Variants in REPS2 observed in about 807,000 individuals in gnomAD.
REPS2 encodes RALBP1 associated Eps domain containing 2.
Under a neutral mutation model 53.6 loss-of-function variants are expected in REPS2, and 23 were observed. The ratio of observed to expected loss-of-function variants is 0.43; its 90% CI spans 0.31 to 0.61. The LOEUF (loss-of-function observed/expected upper bound fraction) is 0.61. Ranked by LOEUF, REPS2 falls within the 20% of genes least tolerant of loss-of-function variation. REPS2 has a pLI of 0.11. For missense variants in REPS2, 446 were observed against 534.9 expected (o/e 0.83, Z 1.64); for synonymous variants, 238 against 218.6 (o/e 1.09, Z -0.78).
chrX:17,015,086 C>G (rs892268970), intron 2 of REPS2, among the ~76,000 whole-genome samples: 1 of 112,872 alleles, frequency 8.9e-6, no homozygotes, highest in Admixed American at 9.3e-5. Context: ...ACCAATAACA[C>G]CTGCCTTATA....
chrX:16,955,188 G>A (rs1046183056), intron 1 of REPS2, among the ~76,000 whole-genome samples: 10 of 110,877 alleles, frequency 9.0e-5, no homozygotes, highest in African/African-American at 3.3e-4. Context: ...GTATAGGCAA[G>A]TTTCTCATGT....
At chrX:16,973,760 T>G in intron 1 of REPS2, among the ~76,000 whole-genome samples, 1 of 111,179 alleles carries the variant, frequency 9.0e-6, no homozygotes, top group African/African-American at 3.3e-5. Flanking sequence ...TATGATTTTC[T>G]TTGTCTATTC....
In REPS2 at chrX:17,093,233, A is replaced by G. The variant is rs182937074; in HGVS notation, c.1517-10485A>G. Among the ~76,000 whole-genome samples, 416 of 85,002 alleles carry G rather than the reference A, an allele frequency of 4.9e-3. 2 individuals are homozygous for G. Among genetic ancestry groups the G allele is most frequent in the Non-Finnish European group, 7.2e-3 (315 of 43,542 alleles). 73.8% of individuals were successfully genotyped at this position (85,002 alleles called of 115,157 possible). Reference sequence around the variant, plus strand: ...TTTTGGAAAGAGTGGCAACTGAGGGAAACCTGAGGCTTTGGGTGCACTTCT... The same window carrying G: ...TTTTGGAAAGAGTGGCAACTGAGGGGAACCTGAGGCTTTGGGTGCACTTCT... On this transcript the variant is annotated intron_variant, in intron 13 of 17. Coordinates refer to ENST00000357277, the MANE Select transcript of REPS2 (RefSeq NM_004726.3).
chrX:16,960,672 A>G (rs1282657004), intron 1 of REPS2, among the ~76,000 whole-genome samples: 2 of 111,914 alleles, frequency 1.8e-5, no homozygotes, highest in Non-Finnish European at 3.8e-5. Context: ...GATAAAAGGC[A>G]TCTAAATTGG....
chrX:17,015,080 A>G (rs1052184173), intron 2 of REPS2, among the ~76,000 whole-genome samples: 12 of 112,977 alleles, frequency 1.1e-4, no homozygotes, highest in African/African-American at 3.2e-4. Context: ...AGGTATACCA[A>G]TAACACCTGC....
Position 17,062,539 on chromosome X carries a change from G to T in REPS2, c.1209+7G>T, listed in dbSNP as rs757482095. 8.7e-6 allele frequency: 10 copies of T among 1,145,830 alleles called. No homozygotes were observed. In the Admixed American group the frequency reaches 2.0e-4, roughly 23 times the overall value. The allele number at this position is 1,145,830 out of a possible 1,213,427, so 94.4% of individuals were successfully genotyped here. A position where few individuals can be genotyped will look rare whatever the true frequency, so the allele number is the denominator to read the frequency against. Reference sequence around the variant, plus strand: ...TGACTTGAATCGGATGGAGGTAAAAGATCTTCATATGCTAATAAATAAGGA... The same window carrying T: ...TGACTTGAATCGGATGGAGGTAAAATATCTTCATATGCTAATAAATAAGGA... On this transcript the variant is annotated splice_region_variant and intron_variant, in intron 9 of 17. Coordinates refer to ENST00000357277, the MANE Select transcript of REPS2 (RefSeq NM_004726.3).
chrX:17,119,963 G>A (rs1038161598), intron 14 of REPS2, among the ~76,000 whole-genome samples: 5 of 94,708 alleles, frequency 5.3e-5, no homozygotes, highest in Non-Finnish European at 4.0e-5. Flanking sequence ...TGCAACCTCC[G>A]CCTCCCAGGT....
intron 7 of REPS2, among the ~76,000 whole-genome samples, chrX:17,054,481 A>G (rs1861971986): frequency 8.9e-6 from 1 of 112,389 alleles, no homozygotes. Context: ...GCCTGCATTT[A>G]CTGAATGACT....
chrX:17,153,476 T>C (rs894567502), downstream of REPS2, among the ~76,000 whole-genome samples: 24 of 111,914 alleles, frequency 2.1e-4, no homozygotes, highest in African/African-American at 7.2e-4. Context: ...TGGGATATCA[T>C]GGCTGACTCA....
chrX:17,089,734 G>A (rs758987868), intron 13 of REPS2, among the ~76,000 whole-genome samples: 34 of 112,307 alleles, frequency 3.0e-4, no homozygotes, highest in African/African-American at 9.4e-4. Context: ...TTGCTGAATA[G>A]TATTCCATTA....
intron 14 of REPS2, among the ~76,000 whole-genome samples, chrX:17,106,846 C>T (rs762477254): frequency 8.9e-6 from 1 of 111,899 alleles, no homozygotes; most frequent in Non-Finnish European, 1.9e-5. Flanking sequence ...CAATCCTAAG[C>T]CAAAAGAACA....
At chrX:17,081,899 G>A (rs1393131181) in intron 13 of REPS2, among the ~76,000 whole-genome samples, 1 of 112,288 alleles carries the variant, frequency 8.9e-6, no homozygotes, top group Non-Finnish European at 1.9e-5. Flanking sequence ...GCTCAGTGAT[G>A]TTTGGATTTT....
chrX:16,994,298 T>C (rs2061198532), intron 1 of REPS2, among the ~76,000 whole-genome samples: 1 of 111,662 alleles, frequency 9.0e-6, no homozygotes, highest in Admixed American at 9.5e-5. Flanking sequence ...TTTATATGTG[T>C]GTGTGTATGT....
At chrX:17,099,293 A>C (rs1297084639) in intron 13 of REPS2, among the ~76,000 whole-genome samples, 6 of 111,435 alleles carry the variant, frequency 5.4e-5, no homozygotes, top group Non-Finnish European at 1.1e-4. Context: ...AATTTTAATC[A>C]AAATGATGCT....
intron 13 of REPS2, among the ~76,000 whole-genome samples, chrX:17,093,699 T>G: frequency 8.9e-6 from 1 of 112,046 alleles, no homozygotes; most frequent in Middle Eastern, 4.6e-3. Flanking sequence ...TCCAATATAG[T>G]TATATTATAA....
intron 14 of REPS2, among the ~76,000 whole-genome samples, chrX:17,109,963 A>G (rs1386083571): frequency 5.3e-5 from 6 of 112,512 alleles, no homozygotes; most frequent in African/African-American, 1.9e-4. Flanking sequence ...AATATTCAAC[A>G]CCATTTTAAA....
At chrX:17,052,143 A>G (rs1264327942) in intron 6 of REPS2, among the ~76,000 whole-genome samples, 2 of 112,512 alleles carry the variant, frequency 1.8e-5, no homozygotes, top group Non-Finnish European at 3.8e-5. Context: ...TGTGATTTGC[A>G]TCTTTCATGA....
intron 1 of REPS2, among the ~76,000 whole-genome samples, chrX:17,005,901 C>T (rs1222666183): frequency 1.8e-5 from 2 of 112,053 alleles, no homozygotes; most frequent in Middle Eastern, 4.2e-3. Context: ...ACATTAGAAT[C>T]CACTCCCTGA....
chrX:17,004,451 A>G (rs193268483), intron 1 of REPS2, among the ~76,000 whole-genome samples: 49 of 105,445 alleles, frequency 4.6e-4, no homozygotes, highest in Non-Finnish European at 8.9e-4. Flanking sequence ...TCCATGTGTA[A>G]GTTCCAAAGG....
Sources: gnomAD v4.1 joint callset for allele counts (sites outside exome capture counted in the v4.1 genomes callset) on GRCh38, gnomAD v4.1.1 for gene constraint, MANE v1.5 for transcripts, NCBI Gene and HGNC (gene_info 2026-07-23, HGNC 2026-07-21) for gene names.